POMT1: variants seen among roughly 807,000 people sequenced by gnomAD.
The protein encoded by POMT1 is protein O-mannosyl-transferase 1.
Under a neutral mutation model 101.6 loss-of-function variants are expected in POMT1, and 85 were observed. The ratio of observed to expected loss-of-function variants is 0.84; its 90% confidence interval spans 0.70 to 1.00. The LOEUF (loss-of-function observed/expected upper bound fraction) is 1.00, where lower values mean the gene tolerates loss of function less well. Among genes scored for constraint, POMT1 ranks in the 50% least tolerant of loss-of-function variants. The pLI is 0.00. For missense variants in POMT1, 857 were observed against 930.4 expected, an observed-to-expected ratio of 0.92 and a Z score of 1.03; for synonymous variants, 371 against 383.0, an observed-to-expected ratio of 0.97 and a Z score of 0.37.
rs1946817783 is a variant in POMT1, at chr9:131,510,243, C to T, written c.700-17C>T. ...TTCCACGCAGTGGAACATGACTTTTCTTTGAATCTCTGGCAGGTCTGTGTG... is the reference window on the plus strand; with the variant it reads ...TTCCACGCAGTGGAACATGACTTTTTTTTGAATCTCTGGCAGGTCTGTGTG... On this transcript the variant is annotated splice_polypyrimidine_tract_variant and intron_variant, in intron 8 of 19. Coordinates refer to ENST00000402686, the MANE Select transcript of POMT1 (RefSeq NM_001077365.2). 1 of 1,614,202 alleles carries T rather than the reference C, an allele frequency of 6.2e-7. No homozygotes were observed. The highest frequency in any genetic ancestry group is 8.5e-7 in the Non-Finnish European group (1 of 1,180,012).
intron 8 of POMT1, 62 bp downstream of exon 8, chr9:131,510,058 A>C (rs777796043): frequency 1.2e-6 from 2 of 1,614,068 alleles, no homozygotes; most frequent in Non-Finnish European, 1.7e-6. Context: ...CAGATGTCAC[A>C]GGGGGTACTT....
Position 131,511,484 on chromosome 9 carries a change from A to T in POMT1, c.986+17A>T. 1 of 1,613,868 alleles carries T rather than the reference A, an allele frequency of 6.2e-7. No homozygotes were observed. The highest frequency in any genetic ancestry group is 1.1e-5 in the South Asian group (1 of 91,078). On this transcript the variant is annotated intron_variant, in intron 10 of 19. Coordinates refer to ENST00000402686, the MANE Select transcript of POMT1 (RefSeq NM_001077365.2). ...CCCCATGATGTAAGGTGATGGTTTT[A>T]CTTTGAAGATAATTAAATGCTTTAT...
At chr9:131,509,549 A>G (rs565818854) in intron 6 of POMT1, among the ~76,000 whole-genome samples, 194 bp from the exon 7 acceptor site, 1 of 152,338 alleles carries the variant, frequency 6.6e-6, no homozygotes, top group East Asian at 1.9e-4. Context: ...CTAACAGGAC[A>G]ACATTTTCTG....
At chr9:131,511,846 C>T (rs988671947) in intron 10 of POMT1, 195 bp from the exon 11 acceptor site, 20 of 641,280 alleles carry the variant, frequency 3.1e-5, no homozygotes, top group Non-Finnish European at 5.2e-5. Context: ...GATCGATGAC[C>T]CACTTCCAGA....
intron 12 of POMT1, among the ~76,000 whole-genome samples, chr9:131,513,717 G>C (rs1218074184): frequency 1.3e-5 from 2 of 152,198 alleles, no homozygotes; most frequent in Non-Finnish European, 1.5e-5. Flanking sequence ...AAGAAGCCTG[G>C]AAGCTCGGGC....
intron 5 of POMT1, 95 bp from the exon 6 acceptor site, chr9:131,508,816 C>CTTCTGAAGTAATGCCTTTT: frequency 1.2e-6 from 1 of 859,126 alleles, no homozygotes; most frequent in South Asian, 1.4e-5. Flanking sequence ...AGTTGTATCG[C>CTTCTGAAGTAATGCCTTTT]TTCTGAAGTA....
chr9:131,521,646 A>G (rs1332935711), intron 18 of POMT1, among the ~76,000 whole-genome samples, 174 bp downstream of exon 18: 1 of 152,164 alleles, frequency 6.6e-6, no homozygotes, highest in Non-Finnish European at 1.5e-5. Flanking sequence ...TGACAAACCG[A>G]CTTCATAGGA....
At chr9:131,518,743 G>C (rs572714899) in intron 14 of POMT1, 94 bp from the exon 15 acceptor site, 2 of 1,597,414 alleles carry the variant, frequency 1.3e-6, no homozygotes, top group Non-Finnish European at 1.7e-6. Context: ...CCTGCTGACA[G>C]CGTGACCCGG....
rs920107448 is a variant in POMT1, at chr9:131,519,853, G to A, written c.1585-227G>A. 7.2e-5 allele frequency among the ~76,000 whole-genome samples: 11 copies of A among 152,122 alleles called. No individual in the cohort carries two copies. Among genetic ancestry groups the A allele is most frequent in the East Asian group, 1.9e-4 (1 of 5,188 alleles). ...AGAGAGCATTCAGCCCAATCACTTC[G>A]TCTACAGAGGAGGTAACTGGAGCAC... On this transcript the variant is annotated intron_variant, in intron 16 of 19. Transcript: ENST00000402686. This position sits in a 1 kb window ranked among gnomAD's most constrained non-coding sequence, Gnocchi z 4.3.
chr9:131,510,330 T>C lies in POMT1; in HGVS notation c.770T>C (p.Leu257Pro). 6.2e-7 allele frequency: 1 copy of C among 1,614,210 alleles called. No homozygotes were observed. The highest frequency in any genetic ancestry group is 8.5e-7 in the Non-Finnish European group (1 of 1,180,020). Residue 257 changes from leucine to proline, a missense_variant, in exon 9 of 20, where the codon CTG (leucine) becomes CCG (proline). Coordinates refer to ENST00000402686, the MANE Select transcript of POMT1 (RefSeq NM_001077365.2). ...GTCATCCCGGTCGTCCTGTACTTAC[T>C]GTTCTTCTACGTCCACTTGATTCTA... is the stretch of plus-strand genomic sequence containing the variant. ...LLVIPVVLYL[L>P]FFYVHLILVF...
At chr9:131,518,610 T>C (rs1588467597) in intron 14 of POMT1, 73 bp downstream of exon 14, 1 of 1,457,570 alleles carries the variant, frequency 6.9e-7, no homozygotes, top group Non-Finnish European at 9.6e-7. Flanking sequence ...CCCTCAGGCT[T>C]CACCGCCTCT....
In POMT1 at chr9:131,519,590, G is replaced by A. The variant is rs537103478; in HGVS notation, c.1584+104G>A. 26 of 1,109,390 alleles carry A rather than the reference G, an allele frequency of 2.3e-5. No individual in the cohort carries two copies. The African/African-American group carries it at 3.1e-4, about 13-fold the overall frequency. 68.7% of individuals were successfully genotyped at this position (1,109,390 alleles called of 1,614,324 possible). On this transcript the variant is annotated intron_variant, in intron 16 of 19. Coordinates refer to ENST00000402686, the MANE Select transcript of POMT1 (RefSeq NM_001077365.2). This position sits in a 1 kb window ranked among gnomAD's most constrained non-coding sequence, Gnocchi z 4.3. Reference sequence around the variant, plus strand: ...ACTCAAACCAGAGTCAGGCTTTGACGCTGGAGCTACAGGCTCACAACAGAA... The same window carrying A: ...ACTCAAACCAGAGTCAGGCTTTGACACTGGAGCTACAGGCTCACAACAGAA...
chr9:131,512,658 C>A (rs1358656567), intron 11 of POMT1, among the ~76,000 whole-genome samples: 1 of 152,160 alleles, frequency 6.6e-6, no homozygotes, highest in African/African-American at 2.4e-5. Context: ...GTTGCCCAGG[C>A]TGGAGTGCAG....
chr9:131,518,470 C>T lies in POMT1; in HGVS notation c.1298C>T (p.Thr433Ile). 1.2e-6 allele frequency: 2 copies of T among 1,613,826 alleles called. No homozygotes were observed. The highest frequency in any genetic ancestry group is 1.7e-6 in the Non-Finnish European group (2 of 1,179,824). The change falls in exon 14 of 20, where the codon ACA becomes ATA. Residue 433 changes from threonine (T) to isoleucine (I), a missense_variant. Thr to Ile is a moderately conservative substitution (Grantham distance 89, BLOSUM62 -1). Transcript: ENST00000402686. Reference sequence around the variant, plus strand: ...GAAATTGTGAACAGAGGATCTGACACAGACGTCTGGAAGACCATCCTCTCA... The same window carrying T: ...GAAATTGTGAACAGAGGATCTGACATAGACGTCTGGAAGACCATCCTCTCA... ...RLEIVNRGSD[T>I]DVWKTILSEV... is the part of the protein sequence containing the mutation.
At position 131,519,486 on chromosome 9, in the gene POMT1, G is replaced by A; in HGVS notation, c.1584G>A (p.Gln528=). 1 of 1,549,808 alleles carries A rather than the reference G, an allele frequency of 6.5e-7. No individual in the cohort carries two copies. Among genetic ancestry groups the A allele is most frequent in the South Asian group, 1.2e-5 (1 of 84,060 alleles). The change falls in exon 16 of 20, where the codon CAG becomes CAA. Residue 528 remains glutamine (Q), a splice_region_variant and synonymous_variant. Coordinates refer to ENST00000402686, the MANE Select transcript of POMT1 (RefSeq NM_001077365.2). The surrounding 1 kb of genome is among the most constrained non-coding windows in gnomAD (Gnocchi z 4.3). ...TCATGGCGAGATTCTCGGAGCTGCAGGTGAGGAGCGGCCAGGGGAAGCTGG... is the reference window on the plus strand; with the variant it reads ...TCATGGCGAGATTCTCGGAGCTGCAAGTGAGGAGCGGCCAGGGGAAGCTGG... ...LSFMARFSEL[Q]WRMLALRSDD...
At chr9:131,510,556 G>C in intron 9 of POMT1, 141 bp downstream of exon 9, 9 of 1,168,804 alleles carry the variant, frequency 7.7e-6, no homozygotes, top group South Asian at 6.6e-5. Context: ...TTTTTGGTGG[G>C]GGGGATGGAG....
intron 12 of POMT1, among the ~76,000 whole-genome samples, chr9:131,514,299 A>G (rs2131728185): frequency 6.6e-6 from 1 of 152,202 alleles, no homozygotes; most frequent in East Asian, 1.9e-4. Flanking sequence ...GGTGACCCTG[A>G]CACACTTCAC....
rs946745723 is a variant in POMT1, at chr9:131,522,506, G to GGGAGCAA, written c.2003+285_2003+291dup. On this transcript the variant is annotated intron_variant, in intron 19 of 19. Coordinates refer to ENST00000402686, the MANE Select transcript of POMT1 (RefSeq NM_001077365.2). This position sits in a 1 kb window ranked among gnomAD's most constrained non-coding sequence, Gnocchi z 5.5. ...GGGTGGCCTGGAGGATTCGGGAGCA[G>GGGAGCAA]GGAGCAAGGCCCAGGAGCCTGGGGT... 2 of 599,498 alleles carry GGGAGCAA rather than the reference G, an allele frequency of 3.3e-6. No homozygotes were observed. The highest frequency in any genetic ancestry group is 3.7e-5 in the African/African-American group (2 of 53,852). The allele number at this position is 599,498 out of a possible 1,614,324, so 37.1% of individuals were successfully genotyped here.
rs1318852280 is a variant in POMT1 at position 131,519,391 on chromosome 9, C to T, written c.1489C>T (p.Gln497Ter). ...TATGCCCTTGTCTGTTCTGCCAGGC[C>T]AGGAGCAGAGGGAGCGGGAACGGGA... ...NVEEHRYGAS[Q>*]EQRERERELH... The change falls in exon 16 of 20, where the codon CAG becomes TAG. Residue 497 changes from glutamine (Q) to a stop codon, truncating the protein, a stop_gained and splice_region_variant. Transcript: ENST00000402686. LOFTEE classifies it high-confidence loss of function. This position sits in a 1 kb window ranked among gnomAD's most constrained non-coding sequence, Gnocchi z 4.3. The T allele has an allele frequency of 1.3e-6, 2 of 1,551,614 alleles. No homozygotes were observed. Among genetic ancestry groups the T allele is most frequent in the Non-Finnish European group, 1.7e-6 (2 of 1,147,126 alleles).
Sources: allele counts gnomAD v4.1 joint callset (sites outside exome capture counted in the v4.1 genomes callset), GRCh38; gene constraint gnomAD v4.1.1; non-coding constraint Gnocchi (gnomAD v3.1); transcripts MANE v1.5; gene names NCBI Gene and HGNC (gene_info 2026-07-23, HGNC 2026-07-21).